Variants in RFC2 observed in about 807,000 individuals in gnomAD.
RFC2 encodes A1 40 kDa subunit.
A neutral mutation model predicts 44.8 loss-of-function variants in RFC2; 34 were observed. That is an observed-to-expected ratio of 0.76 (90% CI 0.58 to 1.01). The LOEUF is 1.01. Ranked by LOEUF, RFC2 falls within the 50% of genes least tolerant of loss-of-function variation. RFC2 has a pLI of 0.00. For missense variants in RFC2, 400 were observed against 453.6 expected (o/e 0.88, Z 1.07); for synonymous variants, 177 against 168.9 (o/e 1.05, Z -0.37).
chr7:74,232,775 G>C lies in RFC2; in HGVS notation c.955-559C>G, dbSNP rs559504680. ...AGCTACTCGGGAGGCTGAGGCAGGA[G>C]AATCACTTAAACCTGGGAGGCGAAG... On this transcript the variant is annotated intron_variant, in intron 10 of 10. Coordinates refer to ENST00000055077, the MANE Select transcript of RFC2 (RefSeq NM_181471.3). 2.6e-5 allele frequency among the ~76,000 whole-genome samples: 4 copies of C among 152,338 alleles called. No homozygotes were observed. In the South Asian group the frequency reaches 8.3e-4, roughly 32 times the overall value.
intron 6 of RFC2, among the ~76,000 whole-genome samples, chr7:74,242,914 C>CT (rs1371387503): frequency 6.7e-6 from 1 of 148,542 alleles, no homozygotes; most frequent in Non-Finnish European, 1.5e-5. Flanking sequence ...CAGAGTGAGA[C>CT]TTTGTCTCAA....
At position 74,246,768 on chromosome 7, in the gene RFC2, A is replaced by G; in HGVS notation, c.333-5T>C. 6.2e-7 allele frequency: 1 copy of G among 1,602,876 alleles called. No individual in the cohort carries two copies. The highest frequency in any genetic ancestry group is 1.3e-5 in the African/African-American group (1 of 74,724). On this transcript the variant is annotated splice_polypyrimidine_tract_variant and splice_region_variant and intron_variant, in intron 4 of 10. Coordinates refer to ENST00000055077, the MANE Select transcript of RFC2 (RefSeq NM_181471.3). ...TTCCTCACAACGTCAATGCCCCTGA[A>G]AGAATGACAGGTTTTTACTGGCACC...
chr7:74,237,495 G>C (rs797037682), intron 8 of RFC2, 53 bp from the exon 9 acceptor site: 1 of 1,269,844 alleles, frequency 7.9e-7, no homozygotes, highest in African/African-American at 1.5e-5. Flanking sequence ...CAATGTGAGC[G>C]GGGAGGCCCC....
chr7:74,253,671 A>C (rs1554721457), intron 1 of RFC2: 1 of 153,954 alleles, frequency 6.5e-6, no homozygotes, highest in Non-Finnish European at 1.5e-5. Context: ...TAGTGAGCAG[A>C]AATCACACCA....
intron 10 of RFC2, chr7:74,233,810 C>T (rs1554717700): frequency 2.2e-6 from 1 of 456,444 alleles, no homozygotes. Context: ...CTGAGCACTC[C>T]ATGTGGTGGC....
chr7:74,245,032 T>TC (rs1455233693), intron 5 of RFC2, among the ~76,000 whole-genome samples: 1 of 151,322 alleles, frequency 6.6e-6, no homozygotes, highest in Non-Finnish European at 1.5e-5. Flanking sequence ...CATTTCAATT[T>TC]TTTTTTTTTT....
intron 10 of RFC2, among the ~76,000 whole-genome samples, chr7:74,234,463 G>A (rs1321724891): frequency 6.6e-6 from 1 of 151,916 alleles, no homozygotes; most frequent in Non-Finnish European, 1.5e-5. Context: ...ATCTAACCTT[G>A]AAAAATCAAT....
intron 10 of RFC2, among the ~76,000 whole-genome samples, chr7:74,233,609 T>A (rs1332562353): frequency 2.7e-5 from 4 of 149,924 alleles, no homozygotes; most frequent in African/African-American, 9.8e-5. Context: ...TTTTTTTTTT[T>A]TTTTTTTTAA....
intron 10 of RFC2, among the ~76,000 whole-genome samples, chr7:74,234,685 A>C (rs1554717913): frequency 6.6e-6 from 1 of 151,918 alleles, no homozygotes. Context: ...GTAGTGAGTG[A>C]GTTCTGGATC....
chr7:74,246,632 G>T (rs782088288), intron 5 of RFC2, 30 bp downstream of exon 5: 1 of 1,407,296 alleles, frequency 7.1e-7, no homozygotes, highest in Non-Finnish European at 1.0e-6. Context: ...TAGAGATCAA[G>T]GTCAAAATAC....
chr7:74,244,832 C>T (rs1170397597), intron 5 of RFC2, among the ~76,000 whole-genome samples: 2 of 151,412 alleles, frequency 1.3e-5, no homozygotes, highest in South Asian at 2.1e-4. Context: ...GTTGCAGTTG[C>T]ACAAGCCTGT....
chr7:74,252,626 T>C, intron 1 of RFC2, 128 bp from the exon 2 acceptor site: 1 of 683,028 alleles, frequency 1.5e-6, no homozygotes, highest in Non-Finnish European at 2.7e-6. Context: ...GCCAAATGGT[T>C]GCAAGTTTTA....
intron 10 of RFC2, among the ~76,000 whole-genome samples, chr7:74,234,516 G>T (rs933856521): frequency 9.9e-5 from 15 of 151,664 alleles, no homozygotes; most frequent in African/African-American, 3.6e-4. Flanking sequence ...AAGAAAATCA[G>T]AACTGTGTGA....
intron 10 of RFC2, among the ~76,000 whole-genome samples, chr7:74,232,474 G>C (rs1055838624): frequency 1.3e-5 from 2 of 151,976 alleles, no homozygotes; most frequent in African/African-American, 2.4e-5. Flanking sequence ...GGTGGGGCGA[G>C]GGGGGGCGGG....
rs1489204176 is a variant in RFC2, at chr7:74,244,045, G to A, written c.435-799C>T. ...GCAGGTGGCTCTCTTGAGGTCAGGA[G>A]TTCAAGACCAGCCTGGCCAACACAG... On this transcript the variant is annotated intron_variant, in intron 5 of 10. Transcript: ENST00000055077. 2.8e-5 allele frequency among the ~76,000 whole-genome samples: 4 copies of A among 142,170 alleles called. No individual in the cohort carries two copies. In the Admixed American group the frequency reaches 2.9e-4, roughly 10 times the overall value. 93.3% of individuals were successfully genotyped at this position (142,170 alleles called of 152,430 possible).
intron 2 of RFC2, among the ~76,000 whole-genome samples, chr7:74,250,169 AC>A (rs1304043051): frequency 2.2e-4 from 33 of 151,042 alleles, no homozygotes; most frequent in African/African-American, 7.9e-4. Context: ...AAAAAAAAAA[AC>A]ACAAAACCTG....
chr7:74,242,739 C>A (rs1228362922), intron 6 of RFC2, among the ~76,000 whole-genome samples: 3 of 140,950 alleles, frequency 2.1e-5, no homozygotes, highest in African/African-American at 8.1e-5. Flanking sequence ...CATGGTGAAA[C>A]CCCATCTCTT....
intron 4 of RFC2, among the ~76,000 whole-genome samples, chr7:74,248,302 C>T (rs62476365): frequency 0.014 from 2,196 of 151,684 alleles, 50 homozygotes; most frequent in Middle Eastern, 0.031. Context: ...TCCCGGAGTT[C>T]GAGACCAGAC....
rs143112228 is a variant in RFC2, at chr7:74,238,334, C to T, written c.759+589G>A. The stretch of plus-strand genomic sequence containing the variant: ...GAATCTCTCAAATGGCATTTAGACG[C>T]GGAGTTATCAGGATGCGGAAGCAGT... On this transcript the variant is annotated intron_variant, in intron 8 of 10. Coordinates refer to ENST00000055077, the MANE Select transcript of RFC2 (RefSeq NM_181471.3). This position sits in a 1 kb window ranked among gnomAD's most constrained non-coding sequence, Gnocchi z 4.0. Among the ~76,000 whole-genome samples, 151 of 152,222 alleles carry T rather than the reference C, an allele frequency of 9.9e-4. 1 individual carries two copies. The highest frequency in any genetic ancestry group is 3.4e-3 in the Middle Eastern group (1 of 294).
Sources: gnomAD v4.1 joint callset for allele counts (sites outside exome capture counted in the v4.1 genomes callset) on GRCh38, gnomAD v4.1.1 for gene constraint, Gnocchi (gnomAD v3.1) non-coding constraint, MANE v1.5 for transcripts, NCBI Gene and HGNC (gene_info 2026-07-23, HGNC 2026-07-21) for gene names.